PRORP: variants seen among roughly 807,000 people sequenced by gnomAD.
The protein encoded by PRORP is mitochondrial ribonuclease P catalytic subunit.
Under a neutral mutation model 59.4 loss-of-function variants are expected in PRORP, and 51 were observed. The ratio of observed to expected loss-of-function variants is 0.86; its 90% CI spans 0.69 to 1.08. PRORP has a LOEUF of 1.08. Ranked by LOEUF, PRORP falls within the 50% of genes least tolerant of loss-of-function variation. The pLI is 0.00. For missense variants in PRORP, 646 were observed against 690.3 expected (o/e 0.94, Z 0.72); for synonymous variants, 231 against 245.6 (o/e 0.94, Z 0.55).
chr14:35,154,902 C>CTT (rs146425703), intron 4 of PRORP, among the ~76,000 whole-genome samples: 6 of 149,098 alleles, frequency 4.0e-5, no homozygotes, highest in African/African-American at 1.2e-4. Context: ...AGTTAAAACT[C>CTT]TTTTTTTTTT....
At chr14:35,172,819 G>C (rs1484276992) in intron 4 of PRORP, among the ~76,000 whole-genome samples, 3 of 151,650 alleles carry the variant, frequency 2.0e-5, no homozygotes, top group Non-Finnish European at 4.4e-5. Flanking sequence ...ACCTGCCTTG[G>C]CGTCCCAAAG....
chr14:35,192,961 C>T (rs972885112), intron 5 of PRORP, among the ~76,000 whole-genome samples: 4 of 149,916 alleles, frequency 2.7e-5, no homozygotes, highest in Non-Finnish European at 5.9e-5. Flanking sequence ...CCACTACAGT[C>T]CAGCCTGGGT....
intron 4 of PRORP, among the ~76,000 whole-genome samples, chr14:35,154,958 A>G (rs35361707): frequency 0.19 from 29,150 of 152,060 alleles, 3,344 homozygotes; most frequent in Non-Finnish European, 0.27. Flanking sequence ...GCAGTGGCAC[A>G]ATCACAGCTC....
chr14:35,235,505 G>T, intron 5 of PRORP: 1 of 606,662 alleles, frequency 1.6e-6, no homozygotes, highest in South Asian at 1.5e-5. Flanking sequence ...TTCATGTGCA[G>T]TCACCACCAG....
At chr14:35,235,387 C>G (rs2050185404) in intron 5 of PRORP, 1 of 698,872 alleles carries the variant, frequency 1.4e-6, no homozygotes, top group African/African-American at 1.8e-5. Flanking sequence ...TGCAGGTCTT[C>G]CTGTGGACTA....
chr14:35,125,162 A>G (rs575490601), intron 2 of PRORP, among the ~76,000 whole-genome samples: 3 of 152,212 alleles, frequency 2.0e-5, no homozygotes, highest in East Asian at 1.9e-4. Flanking sequence ...CGTCCGGCCT[A>G]TTCTGTCTAC....
At chr14:35,234,148 A>G (rs570849048) in intron 5 of PRORP, among the ~76,000 whole-genome samples, 2 of 152,198 alleles carry the variant, frequency 1.3e-5, no homozygotes, top group Non-Finnish European at 2.9e-5. Flanking sequence ...TTCTTTGTGC[A>G]TGTAGGGTTG....
At chr14:35,141,660 T>C (rs185625211) in intron 4 of PRORP, among the ~76,000 whole-genome samples, 33 of 145,710 alleles carry the variant, frequency 2.3e-4, no homozygotes, top group African/African-American at 7.3e-4. Context: ...AGAGAAAATT[T>C]CAAACATAAT....
intron 5 of PRORP, chr14:35,262,345 A>G (rs1316693199): frequency 3.3e-6 from 1 of 303,950 alleles, no homozygotes; most frequent in African/African-American, 2.2e-5. Context: ...CCATGAATCA[A>G]AGTTTACTAG....
At chr14:35,176,181 T>G (rs1225937804) in intron 4 of PRORP, among the ~76,000 whole-genome samples, 1 of 152,228 alleles carries the variant, frequency 6.6e-6, no homozygotes, top group African/African-American at 2.4e-5. Context: ...GCTTGATGCC[T>G]CCAGCTTTGT....
intron 4 of PRORP, among the ~76,000 whole-genome samples, chr14:35,128,387 A>G (rs1165581115): frequency 6.7e-6 from 1 of 149,592 alleles, no homozygotes; most frequent in Non-Finnish European, 1.5e-5. Flanking sequence ...TCCCTCCTCT[A>G]TTTTTTGGAA....
At chr14:35,271,480 G>A (rs1292608718) in intron 7 of PRORP, among the ~76,000 whole-genome samples, 2 of 151,828 alleles carry the variant, frequency 1.3e-5, no homozygotes, top group Non-Finnish European at 2.9e-5. Flanking sequence ...TCTTACATGT[G>A]TTTTTTATTT....
chr14:35,235,723 G>A (rs1241923159), intron 5 of PRORP: 1 of 269,526 alleles, frequency 3.7e-6, no homozygotes, highest in African/African-American at 2.2e-5. Context: ...CTTGTATATG[G>A]AGTACCTCAT....
chr14:35,188,191 A>ATT (rs35907061), intron 5 of PRORP, among the ~76,000 whole-genome samples: 8,911 of 110,976 alleles, frequency 0.08, 488 homozygotes, highest in Middle Eastern at 0.12. Context: ...TTGAGTTGTA[A>ATT]TTTTTTTTTT....
intron 5 of PRORP, among the ~76,000 whole-genome samples, chr14:35,256,917 G>A (rs1333099198): frequency 6.7e-6 from 1 of 149,884 alleles, no homozygotes; most frequent in East Asian, 2.0e-4. Context: ...CTGTTGCCCA[G>A]GCTAGAGTAT....
chr14:35,234,096 C>G (rs1169855667), intron 5 of PRORP, among the ~76,000 whole-genome samples: 1 of 152,162 alleles, frequency 6.6e-6, no homozygotes, highest in African/African-American at 2.4e-5. Context: ...GAAATCATGT[C>G]AAGACGCATC....
intron 3 of PRORP, among the ~76,000 whole-genome samples, 156 bp downstream of exon 3, chr14:35,126,938 C>A (rs1226886672): frequency 6.6e-6 from 1 of 152,180 alleles, no homozygotes; most frequent in African/African-American, 2.4e-5. Context: ...CATACAGAGA[C>A]TTAGCAGTGC....
At chr14:35,130,827 A>G (rs1471010272) in intron 4 of PRORP, among the ~76,000 whole-genome samples, 1 of 151,440 alleles carries the variant, frequency 6.6e-6, no homozygotes, top group Non-Finnish European at 1.5e-5. Context: ...AAATATAGAG[A>G]CAGGGTCTTA....
chr14:35,159,995 T>C (rs1049576969), intron 4 of PRORP, among the ~76,000 whole-genome samples: 4 of 152,384 alleles, frequency 2.6e-5, no homozygotes, highest in Middle Eastern at 3.4e-3. Flanking sequence ...TTCGTAGTGA[T>C]TCCTAGCAGG....
Sources: gnomAD v4.1 joint callset for allele counts (sites outside exome capture counted in the v4.1 genomes callset) on GRCh38, gnomAD v4.1.1 for gene constraint, MANE v1.5 for transcripts, NCBI Gene and HGNC (gene_info 2026-07-23, HGNC 2026-07-21) for gene names.